PSG1: variants seen among roughly 807,000 people sequenced by gnomAD.
The protein encoded by PSG1 is pregnancy specific beta-1-glycoprotein 1.
PSG1 carries 60 observed loss-of-function variants against 41.4 expected under a neutral mutation model. That is an observed-to-expected ratio of 1.45 (90% CI 1.18 to 1.80). The LOEUF is 1.80. Among genes scored for constraint, PSG1 ranks in the 40% most tolerant of loss-of-function variants. The pLI, the probability that PSG1 is intolerant of heterozygous loss-of-function variation, is 0.00. For missense variants in PSG1, 806 were observed against 516.9 expected, an observed-to-expected ratio of 1.56 and a Z score of -5.42; for synonymous variants, 256 against 192.9, an observed-to-expected ratio of 1.33 and a Z score of -2.71.
At chr19:42,875,824 GTTT>G (rs5828150) in intron 2 of PSG1, among the ~76,000 whole-genome samples, 1 of 128,960 alleles carries the variant, frequency 7.8e-6, no homozygotes, top group African/African-American at 2.9e-5. Context: ...TTATTTATTT[GTTT>G]TTTTTTTTTT....
Position 42,868,330 on chromosome 19 carries a change from G to A in PSG1, c.1014C>T (p.Tyr338=). 1.2e-6 allele frequency: 2 copies of A among 1,611,462 alleles called. 1 individual carries two copies. Among genetic ancestry groups the A allele is most frequent in the South Asian group, 2.2e-5 (2 of 90,788 alleles). ...CTGAACGGTAATAGGTGAATGAAGGGTAAATTCTGGGGAGGTCTGGACCAT... is the reference window on the plus strand; with the variant it reads ...CTGAACGGTAATAGGTGAATGAAGGATAAATTCTGGGGAGGTCTGGACCAT... ...VLYGPDLPRI[Y]PSFTYYRSGE... Residue 338 remains tyrosine (Y), a synonymous_variant, in exon 5 of 6, where the codon TAC becomes TAT. Transcript: ENST00000436291.
chr19:42,871,087 A>G (rs561959323), intron 3 of PSG1, among the ~76,000 whole-genome samples: 22 of 151,626 alleles, frequency 1.5e-4, no homozygotes, highest in East Asian at 3.9e-4. Flanking sequence ...CATATTGCCA[A>G]TGCTCCAGGG....
At chr19:42,878,863 C>G (rs970902051) in intron 1 of PSG1, among the ~76,000 whole-genome samples, 1 of 151,420 alleles carries the variant, frequency 6.6e-6, no homozygotes, top group Non-Finnish European at 1.5e-5. Context: ...TTCTCAGGGC[C>G]CTCCATGCCC....
At chr19:42,869,295 G>A (rs1416887519) in intron 3 of PSG1, 12 of 759,048 alleles carry the variant, frequency 1.6e-5, no homozygotes, top group African/African-American at 7.1e-5. Flanking sequence ...AGACACGTCA[G>A]TGGGAGTCAC....
intron 5 of PSG1, chr19:42,867,596 A>G (rs935731438): frequency 7.4e-6 from 5 of 676,838 alleles, no homozygotes; most frequent in African/African-American, 7.3e-5. Context: ...AAGAAAGCAG[A>G]TTGTTACTGT....
chr19:42,867,379 G>C (rs1010479691), intron 5 of PSG1: 9 of 580,194 alleles, frequency 1.6e-5, no homozygotes, highest in African/African-American at 3.7e-5. Context: ...CATGTAGGCT[G>C]TCTTCTAAAA....
At position 42,879,655 on chromosome 19, in the gene PSG1, A is replaced by G. The variant is rs1351584814; in HGVS notation, c.-74T>C. 9 of 1,579,912 alleles carry G rather than the reference A, an allele frequency of 5.7e-6. 1 individual carries two copies. Among genetic ancestry groups the G allele is most frequent in the East Asian group, 2.3e-5 (1 of 43,784 alleles). ...CAGAAACTCTCTGAGCACGGCTGTC[A>G]GCTGTGCTGTCCTTCCTCTTTCTGT... On this transcript the variant is annotated 5_prime_UTR_variant, in exon 1 of 6. Transcript: ENST00000436291.
rs904586667 is a variant in PSG1 at position 42,866,771 on chromosome 19, C to A, written c.*363G>T. 2 of 522,450 alleles carry A rather than the reference C, an allele frequency of 3.8e-6. No homozygotes were observed. The highest frequency in any genetic ancestry group is 6.9e-6 in the Non-Finnish European group (2 of 289,656). The allele number at this position is 522,450 out of a possible 1,614,324, so 32.4% of individuals were successfully genotyped here. A position where few individuals can be genotyped will look rare whatever the true frequency, so the allele number is the denominator to read the frequency against. ...GACACTCTGTTGTTACTCTCAGAAG[C>A]TACTACATGTGAAATTCTAATGACT... On this transcript the variant is annotated 3_prime_UTR_variant, in exon 6 of 6. Coordinates refer to ENST00000436291, the MANE Select transcript of PSG1 (RefSeq NM_001184825.2).
chr19:42,874,301 G>A (rs1282215592), intron 2 of PSG1, among the ~76,000 whole-genome samples: 1 of 151,502 alleles, frequency 6.6e-6, no homozygotes, highest in Non-Finnish European at 1.5e-5. Flanking sequence ...TTCCACAGCT[G>A]TGTGCAGTCT....
Position 42,867,087 on chromosome 19 carries a change from C to T in PSG1, c.*47G>A, listed in dbSNP as rs1452852447. On this transcript the variant is annotated 3_prime_UTR_variant, in exon 6 of 6. Coordinates refer to ENST00000436291, the MANE Select transcript of PSG1 (RefSeq NM_001184825.2). ...CTTCTGGAACAGAGTGGGTCTTGCT[C>T]TTAGTGATTCCATGGGAGAAAATGG... 3 of 772,672 alleles carry T rather than the reference C, an allele frequency of 3.9e-6. No homozygotes were observed. Among genetic ancestry groups the T allele is most frequent in the Admixed American group, 1.7e-5 (1 of 58,878 alleles). The allele number at this position is 772,672 out of a possible 1,614,324, so 47.9% of individuals were successfully genotyped here. A position where few individuals can be genotyped will look rare whatever the true frequency, so the allele number is the denominator to read the frequency against.
Position 42,868,837 on chromosome 19 carries a change from T to C in PSG1, c.907A>G (p.Asn303Asp). Residue 303 changes from asparagine (N) to aspartate (D), a missense_variant, in exon 4 of 6, where the codon AAT becomes GAT. Physicochemically the swap from Asn to Asp is conservative, Grantham distance 23 (BLOSUM62 1). Transcript: ENST00000436291. ...TCACATTGATAGGGTCCTGTTTCAT[T>C]TCTCGTGACACTGGGTAGAATGAGG... is the stretch of plus-strand genomic sequence containing the variant. ...RILILPSVTR[N>D]ETGPYQCEIR... 6.2e-7 allele frequency: 1 copy of C among 1,611,576 alleles called. No individual in the cohort carries two copies. Among genetic ancestry groups the C allele is most frequent in the Non-Finnish European group, 8.5e-7 (1 of 1,179,068 alleles).
intron 3 of PSG1, among the ~76,000 whole-genome samples, chr19:42,871,457 C>G (rs1971379435): frequency 6.6e-6 from 1 of 151,816 alleles, no homozygotes; most frequent in East Asian, 1.9e-4. Flanking sequence ...CCCTGTGAGC[C>G]AAGTCACAAC....
Position 42,879,676 on chromosome 19 carries a change from TC to T in PSG1, c.-96del, listed in dbSNP as rs1971787277. 1.3e-6 allele frequency: 2 copies of T among 1,542,924 alleles called. No homozygotes were observed. The highest frequency in any genetic ancestry group is 4.6e-5 in the East Asian group (2 of 43,178). ...TGTCAGCTGTGCTGTCCTTCCTCTT[TC>T]TGTGCTGAGCCTCTTCCCAGGGCAG... On this transcript the variant is annotated 5_prime_UTR_variant, in exon 1 of 6. Transcript: ENST00000436291.
At chr19:42,872,620 C>G (rs536299186) in intron 2 of PSG1, among the ~76,000 whole-genome samples, 16 of 151,534 alleles carry the variant, frequency 1.1e-4, no homozygotes, top group South Asian at 4.2e-4. Flanking sequence ...AGTGGAGCCA[C>G]GAGGTGGGGC....
chr19:42,868,494 C>A, intron 4 of PSG1, 139 bp from the exon 5 acceptor site: 6 of 1,488,364 alleles, frequency 4.0e-6, no homozygotes, highest in Non-Finnish European at 4.5e-6. Context: ...GTTCACTGAG[C>A]CGAATCCTGA....
intron 2 of PSG1, among the ~76,000 whole-genome samples, chr19:42,872,906 C>T (rs187806687): frequency 5.3e-5 from 8 of 151,834 alleles, no homozygotes; most frequent in African/African-American, 1.9e-4. Flanking sequence ...GGAAGTCTGG[C>T]CCTCATGGAC....
chr19:42,871,317 G>C (rs1015572597), intron 3 of PSG1, among the ~76,000 whole-genome samples: 2 of 151,610 alleles, frequency 1.3e-5, no homozygotes, highest in African/African-American at 4.9e-5. Context: ...TCCCCTGTAT[G>C]GTAATAGGTG....
In PSG1 at chr19:42,875,198, T is replaced by C. The variant is rs184439031; in HGVS notation, c.430+2715A>G. On this transcript the variant is annotated intron_variant, in intron 2 of 5. Transcript: ENST00000436291. ...CACTCATTCCTGGGCATAGGCCAGG[T>C]TAACCTTGGGAGGAATTTAGTTTAT... Among the ~76,000 whole-genome samples, 441 of 151,864 alleles carry C rather than the reference T, an allele frequency of 2.9e-3. 16 individuals are homozygous for C. Among genetic ancestry groups the C allele is most frequent in the African/African-American group, 6.3e-3 (261 of 41,412 alleles).
chr19:42,871,669 G>T, intron 3 of PSG1, 98 bp downstream of exon 3: 1 of 1,610,894 alleles, frequency 6.2e-7, no homozygotes, highest in South Asian at 1.1e-5. Context: ...AGGGGTAAAG[G>T]TCTCTGTATT....
Sources: gnomAD v4.1 joint callset for allele counts (sites outside exome capture counted in the v4.1 genomes callset) on GRCh38, gnomAD v4.1.1 for gene constraint, MANE v1.5 for transcripts, NCBI Gene and HGNC (gene_info 2026-07-23, HGNC 2026-07-21) for gene names.